Variants in UBE3D observed in about 807,000 individuals in gnomAD.
The protein encoded by UBE3D is E3 ubiquitin-protein ligase E3D.
UBE3D carries 48 observed loss-of-function variants against 49.6 expected under a neutral mutation model. The ratio of observed to expected loss-of-function variants is 0.97; its 90% CI spans 0.77 to 1.23. The LOEUF (loss-of-function observed/expected upper bound fraction) is 1.23, where lower values mean the gene tolerates loss of function less well. UBE3D is among the 50% of genes most tolerant of loss of function. The pLI is 0.00. For missense variants in UBE3D, 452 were observed against 468.4 expected (o/e 0.96, Z 0.32); for synonymous variants, 189 against 174.2 (o/e 1.08, Z -0.67).
chr6:83,023,911 G>C, intron 6 of UBE3D, 58 bp downstream of exon 6: 1 of 1,145,324 alleles, frequency 8.7e-7, no homozygotes, highest in Non-Finnish European at 1.2e-6. Context: ...AAAAAATAAA[G>C]GTCTGAATGG....
chr6:83,026,758 T>C (rs1781489676), intron 5 of UBE3D, among the ~76,000 whole-genome samples: 1 of 152,066 alleles, frequency 6.6e-6, no homozygotes, highest in Non-Finnish European at 1.5e-5. Flanking sequence ...AGTGGTGTGA[T>C]CACAGCTCAC....
chr6:82,889,779 T>C (rs1770948429), downstream of UBE3D, among the ~76,000 whole-genome samples: 1 of 152,084 alleles, frequency 6.6e-6, no homozygotes, highest in Non-Finnish European at 1.5e-5. Context: ...CTTTGTCTTA[T>C]TATCTCTATC....
chr6:82,986,162 C>T (rs936151457), intron 8 of UBE3D, among the ~76,000 whole-genome samples: 1 of 152,036 alleles, frequency 6.6e-6, no homozygotes, highest in African/African-American at 2.4e-5. Flanking sequence ...ATGGTATATA[C>T]TTCCATTTGC....
intron 8 of UBE3D, among the ~76,000 whole-genome samples, chr6:82,962,896 C>G (rs937452974): frequency 1.3e-5 from 2 of 152,080 alleles, no homozygotes; most frequent in African/African-American, 4.8e-5. Flanking sequence ...ATAATTTGAG[C>G]AATCTTATTT....
chr6:82,917,137 T>C (rs899331322), intron 9 of UBE3D, among the ~76,000 whole-genome samples: 2 of 152,038 alleles, frequency 1.3e-5, no homozygotes, highest in Admixed American at 6.6e-5. Flanking sequence ...ATTCCCAGCA[T>C]TGAAATAAAG....
At chr6:82,943,029 A>G (rs1775129488) in intron 9 of UBE3D, among the ~76,000 whole-genome samples, 1 of 152,256 alleles carries the variant, frequency 6.6e-6, no homozygotes, top group South Asian at 2.1e-4. Context: ...ACAGGGGCAG[A>G]GCTGCCCAAA....
chr6:83,056,405 A>G (rs1056587405), intron 2 of UBE3D, among the ~76,000 whole-genome samples: 6 of 152,170 alleles, frequency 3.9e-5, no homozygotes, highest in Admixed American at 1.3e-4. Flanking sequence ...ACAACACAAC[A>G]TCCAGCCTCC....
At chr6:82,981,243 C>T (rs897042183) in intron 8 of UBE3D, among the ~76,000 whole-genome samples, 3 of 151,984 alleles carry the variant, frequency 2.0e-5, no homozygotes, top group South Asian at 2.1e-4. Context: ...AGCTGTAAAA[C>T]GGGGGTAATA....
In UBE3D at chr6:83,054,230, A is replaced by C. The variant is rs538545102; in HGVS notation, c.283T>G (p.Ser95Ala). 1 of 1,613,558 alleles carries C rather than the reference A, an allele frequency of 6.2e-7. No homozygotes were observed. The highest frequency in any genetic ancestry group is 1.1e-5 in the South Asian group (1 of 91,066). ...TQAKLGTKLI[S>A]MFNQSSQTQE... The stretch of plus-strand genomic sequence containing the variant: ...GTTTGCGAGCTTTGATTAAACATTG[A>C]AATCAGTTCTAAAGGAAGTCAATGA... Residue 95 changes from serine (S) to alanine (A), a missense_variant, in exon 3 of 10, where the codon TCA becomes GCA. By Grantham distance (99) the Ser-to-Ala change is moderately conservative. Transcript: ENST00000369747.
chr6:82,961,991 CGTGTGT>C (rs56273130), intron 8 of UBE3D, among the ~76,000 whole-genome samples: 18 of 147,778 alleles, frequency 1.2e-4, no homozygotes, highest in Admixed American at 1.2e-3. Flanking sequence ...ATTTTTTATA[CGTGTGT>C]GTGTGTGTGT....
At chr6:82,957,128 C>T (rs1776211222) in intron 9 of UBE3D, among the ~76,000 whole-genome samples, 184 bp downstream of exon 9, 1 of 151,854 alleles carries the variant, frequency 6.6e-6, no homozygotes, top group Admixed American at 6.6e-5. Context: ...GTCTCTGCCT[C>T]CAAAAAACAA....
rs547170468 is a variant in UBE3D, at chr6:83,033,213, C to T, written c.667+5203G>A. ...CTTTTAAAAAACCAGATCTCATAGG[C>T]ATTCCCTCATGATCATGAGGACAGC... On this transcript the variant is annotated intron_variant, in intron 5 of 9. Transcript: ENST00000369747. 1.7e-4 allele frequency among the ~76,000 whole-genome samples: 26 copies of T among 152,256 alleles called. No homozygotes were observed. The South Asian group carries it at 4.2e-3, about 24-fold the overall frequency.
At chr6:82,938,052 A>C (rs2127752083) in intron 9 of UBE3D, among the ~76,000 whole-genome samples, 1 of 152,330 alleles carries the variant, frequency 6.6e-6, no homozygotes, top group East Asian at 1.9e-4. Flanking sequence ...TCCTCAGTTA[A>C]ACACTTCTAG....
chr6:82,924,166 T>G (rs1272808413), intron 9 of UBE3D, among the ~76,000 whole-genome samples: 4 of 152,060 alleles, frequency 2.6e-5, no homozygotes, highest in Non-Finnish European at 5.9e-5. Flanking sequence ...TTTTTCTAAC[T>G]TATTAAAAAA....
At chr6:83,057,776 G>A in intron 2 of UBE3D, 50 bp downstream of exon 2, 1 of 1,576,226 alleles carries the variant, frequency 6.3e-7, no homozygotes, top group Non-Finnish European at 8.7e-7. Flanking sequence ...ATCACCTTTG[G>A]TTTATAACAA....
intron 8 of UBE3D, among the ~76,000 whole-genome samples, chr6:82,963,697 T>C (rs1582482220): frequency 6.6e-6 from 1 of 152,082 alleles, no homozygotes; most frequent in Non-Finnish European, 1.5e-5. Context: ...TAAGGGTGGG[T>C]CTGCCTTTCC....
chr6:82,995,262 G>C (rs1358103732), intron 8 of UBE3D, among the ~76,000 whole-genome samples: 3 of 152,172 alleles, frequency 2.0e-5, no homozygotes, highest in Admixed American at 2.0e-4. Context: ...GTGTTCATTT[G>C]AGATCTTTGA....
At chr6:83,049,860 C>T (rs1783347410) in intron 3 of UBE3D, 2 of 465,620 alleles carry the variant, frequency 4.3e-6, no homozygotes, top group Non-Finnish European at 8.8e-6. Context: ...TACATAAATT[C>T]CAAACACAAG....
chr6:83,054,289 T>A, intron 2 of UBE3D, 51 bp from the exon 3 acceptor site: 1 of 1,390,636 alleles, frequency 7.2e-7, no homozygotes, highest in Non-Finnish European at 1.0e-6. Flanking sequence ...ACAAATATAT[T>A]AACATACTTA....
Sources: allele counts gnomAD v4.1 joint callset (sites outside exome capture counted in the v4.1 genomes callset), GRCh38; gene constraint gnomAD v4.1.1; transcripts MANE v1.5; gene names NCBI Gene and HGNC (gene_info 2026-07-23, HGNC 2026-07-21).